Variants in ODAD2 observed in about 807,000 individuals in gnomAD.
The protein encoded by ODAD2 is outer dynein arm docking complex subunit 2.
A neutral mutation model predicts 106.8 loss-of-function variants in ODAD2; 89 were observed. The observed-to-expected ratio is 0.83, with a 90% confidence interval of 0.70 to 0.99. The LOEUF is 0.99. Among genes scored for constraint, ODAD2 ranks in the 50% least tolerant of loss-of-function variants. The pLI, the probability that ODAD2 is intolerant of heterozygous loss-of-function variation, is 0.00. For synonymous variants in ODAD2, 404 were observed against 436.2 expected, an observed-to-expected ratio of 0.93 and a Z score of 0.92; for missense variants, 1,168 against 1,238.5, an observed-to-expected ratio of 0.94 and a Z score of 0.85.
chr10:27,876,802 C>G (rs1797864030), intron 17 of ODAD2, among the ~76,000 whole-genome samples: 1 of 152,222 alleles, frequency 6.6e-6, no homozygotes, highest in Admixed American at 6.5e-5. Flanking sequence ...TGTGTTACAA[C>G]TTATCTCTAT....
chr10:27,914,380 G>A (rs1035771131), intron 16 of ODAD2, among the ~76,000 whole-genome samples: 5 of 151,948 alleles, frequency 3.3e-5, no homozygotes, highest in African/African-American at 1.2e-4. Flanking sequence ...AGAAAGTTCT[G>A]TTCCAACAAT....
At chr10:27,891,387 T>A (rs1842554263) in intron 17 of ODAD2, among the ~76,000 whole-genome samples, 1 of 152,000 alleles carries the variant, frequency 6.6e-6, no homozygotes, top group Admixed American at 6.6e-5. Context: ...TGTTTTTTTT[T>A]TTTCCTTCAA....
intron 17 of ODAD2, among the ~76,000 whole-genome samples, chr10:27,869,661 G>A (rs139758685): frequency 0.013 from 1,992 of 151,732 alleles, 41 homozygotes; most frequent in African/African-American, 0.045. Context: ...TAGCCTCCCA[G>A]GTAGCTGGGA....
At chr10:27,924,000 A>AAGAGAGAGAGAG (rs1564509068) in intron 16 of ODAD2, among the ~76,000 whole-genome samples, 2 of 137,232 alleles carry the variant, frequency 1.5e-5, no homozygotes, top group African/African-American at 5.5e-5. Flanking sequence ...GAAAGAAAGA[A>AAGAGAGAGAGAG]AGAAAGAAAG....
chr10:27,857,965 T>C (rs1839776364), intron 19 of ODAD2, among the ~76,000 whole-genome samples: 1 of 152,176 alleles, frequency 6.6e-6, no homozygotes, highest in East Asian at 1.9e-4. Flanking sequence ...GCCAAAATAC[T>C]GGATAAAATT....
intron 17 of ODAD2, among the ~76,000 whole-genome samples, chr10:27,868,927 T>C (rs1353527594): frequency 6.6e-6 from 1 of 151,910 alleles, no homozygotes; most frequent in African/African-American, 2.4e-5. Context: ...GCTCTTACGA[T>C]GAAAGCACAT....
chr10:27,855,004 C>T (rs940034592), intron 19 of ODAD2, among the ~76,000 whole-genome samples: 7 of 151,912 alleles, frequency 4.6e-5, no homozygotes, highest in Non-Finnish European at 1.0e-4. Context: ...AGTGATTGGC[C>T]CAGGCAGAGT....
intron 19 of ODAD2, among the ~76,000 whole-genome samples, chr10:27,839,295 A>G (rs1266029178): frequency 6.6e-6 from 1 of 152,252 alleles, no homozygotes; most frequent in Non-Finnish European, 1.5e-5. Flanking sequence ...CGCGGCAGCA[A>G]GTATGAAGGC....
At chr10:27,985,285 A>G (rs1292233522) in intron 3 of ODAD2, 74 bp from the exon 4 acceptor site, 7 of 1,209,178 alleles carry the variant, frequency 5.8e-6, no homozygotes, top group Non-Finnish European at 6.7e-6. Context: ...ATTAAGACTA[A>G]TAAATCCTTC....
chr10:27,939,514 G>GA (rs1846232958), intron 14 of ODAD2, among the ~76,000 whole-genome samples: 1 of 152,080 alleles, frequency 6.6e-6, no homozygotes, highest in African/African-American at 2.4e-5. Context: ...CCAGGGGTTT[G>GA]AGACCAGCCT....
chr10:27,977,216 A>G (rs1331622449), intron 7 of ODAD2, among the ~76,000 whole-genome samples: 5 of 152,086 alleles, frequency 3.3e-5, no homozygotes, highest in African/African-American at 1.2e-4. Flanking sequence ...AATAAGTTGG[A>G]CTGTTTCAAA....
At chr10:27,963,409 A>C (rs1848276542) in intron 9 of ODAD2, among the ~76,000 whole-genome samples, 1 of 152,202 alleles carries the variant, frequency 6.6e-6, no homozygotes, top group Non-Finnish European at 1.5e-5. Flanking sequence ...CAGAGAAATT[A>C]AGAGGAGAAA....
At chr10:27,918,290 C>T (rs1428480700) in intron 16 of ODAD2, among the ~76,000 whole-genome samples, 7 of 151,732 alleles carry the variant, frequency 4.6e-5, no homozygotes, top group African/African-American at 1.2e-4. Context: ...GCAACATGAA[C>T]GCAAGAATGC....
At chr10:27,980,699 A>C (rs1038264573) in intron 7 of ODAD2, among the ~76,000 whole-genome samples, 2 of 152,174 alleles carry the variant, frequency 1.3e-5, no homozygotes, top group African/African-American at 4.8e-5. Flanking sequence ...GGATGTGAAG[A>C]AAGTGGAATC....
At chr10:27,955,179 C>T (rs1047558233) in intron 10 of ODAD2, among the ~76,000 whole-genome samples, 4 of 152,118 alleles carry the variant, frequency 2.6e-5, no homozygotes, top group Admixed American at 2.0e-4. Context: ...CATTGTTTTC[C>T]GTTTTCGAAA....
At chr10:27,812,672 T>C (rs1356465644) in intron 19 of ODAD2, 47 bp from the exon 20 acceptor site, 10 of 1,522,850 alleles carry the variant, frequency 6.6e-6, no homozygotes, top group Non-Finnish European at 8.8e-6. Flanking sequence ...ATAAAAACAT[T>C]AATCTAAAGA....
chr10:27,815,706 T>C (rs1300588094), intron 19 of ODAD2, among the ~76,000 whole-genome samples: 2 of 152,182 alleles, frequency 1.3e-5, no homozygotes, highest in Non-Finnish European at 2.9e-5. Flanking sequence ...CAAACAAAAA[T>C]TGTTAGAGTT....
chr10:27,970,987 TAAATAAATAAATAAATAAATAAAC>T lies in ODAD2; in HGVS notation c.1142+97_1142+120del, dbSNP rs1182934311. ...ACTCCATCTTAAATAAATAAATAAATAAATAAATAAATAAATAAATAAACAAACAAACAAAATAAAATAAAATAA... is the reference window on the plus strand; with the variant it reads ...ACTCCATCTTAAATAAATAAATAAATAAACAAACAAAATAAAATAAAATAA... On this transcript the variant is annotated intron_variant, in intron 8 of 19. Coordinates refer to ENST00000305242, the MANE Select transcript of ODAD2 (RefSeq NM_018076.5). 23 of 346,874 alleles carry T rather than the reference TAAATAAATAAATAAATAAATAAAC, an allele frequency of 6.6e-5. 1 individual carries two copies. Among genetic ancestry groups the T allele is most frequent in the African/African-American group, 5.6e-4 (22 of 39,620 alleles). 21.5% of individuals were successfully genotyped at this position (346,874 alleles called of 1,614,324 possible). A position where few individuals can be genotyped will look rare whatever the true frequency, so the allele number is the denominator to read the frequency against.
At chr10:27,838,236 G>GTATTAC in intron 19 of ODAD2, among the ~76,000 whole-genome samples, 1 of 152,266 alleles carries the variant, frequency 6.6e-6, no homozygotes, top group East Asian at 1.9e-4. Flanking sequence ...TACTCATGAA[G>GTATTAC]TCTGAAATAC....
Sources: gnomAD v4.1 joint callset for allele counts (sites outside exome capture counted in the v4.1 genomes callset) on GRCh38, gnomAD v4.1.1 for gene constraint, MANE v1.5 for transcripts, NCBI Gene and HGNC (gene_info 2026-07-23, HGNC 2026-07-21) for gene names.